SPAG16: variants seen among roughly 807,000 people sequenced by gnomAD.
SPAG16 encodes the protein sperm-associated antigen 16 protein.
SPAG16 carries 86 observed loss-of-function variants against 80.4 expected under a neutral mutation model. The ratio of observed to expected loss-of-function variants is 1.07; its 90% CI spans 0.90 to 1.28. The LOEUF (loss-of-function observed/expected upper bound fraction) is 1.28. SPAG16 is among the 50% of genes most tolerant of loss of function. The pLI, the probability that SPAG16 is intolerant of heterozygous loss-of-function variation, is 0.00. For synonymous variants in SPAG16, 294 were observed against 265.9 expected (o/e 1.11, Z -1.03); for missense variants, 870 against 765.3 (o/e 1.14, Z -1.61).
chr2:213,734,254 G>C (rs545639260), intron 10 of SPAG16, among the ~76,000 whole-genome samples: 1 of 152,252 alleles, frequency 6.6e-6, no homozygotes, highest in South Asian at 2.1e-4. Context: ...AGAGATAAAT[G>C]CTAGATGGAA....
intron 10 of SPAG16, among the ~76,000 whole-genome samples, chr2:213,833,630 C>T (rs1429808345): frequency 1.1e-5 from 1 of 91,886 alleles, no homozygotes; most frequent in Non-Finnish European, 2.0e-5. Flanking sequence ...GTTCAGATGT[C>T]ATTTTATGTG....
chr2:214,108,314 C>A, intron 14 of SPAG16, 53 bp downstream of exon 14: 1 of 1,405,272 alleles, frequency 7.1e-7, no homozygotes, highest in Non-Finnish European at 9.9e-7. Context: ...TATACAAATT[C>A]ATTTTTATAA....
intron 10 of SPAG16, among the ~76,000 whole-genome samples, chr2:213,689,767 G>A (rs983164743): frequency 1.3e-5 from 2 of 152,032 alleles, no homozygotes; most frequent in African/African-American, 4.8e-5. Context: ...AATATTCGAG[G>A]AGAATTGTTT....
intron 15 of SPAG16, among the ~76,000 whole-genome samples, chr2:214,296,037 C>T (rs1017977794): frequency 3.3e-5 from 5 of 152,030 alleles, no homozygotes; most frequent in Non-Finnish European, 7.4e-5. Flanking sequence ...ATTTTTCAAC[C>T]CTCATGCTCC....
chr2:214,283,439 T>C (rs1247809602), intron 15 of SPAG16, among the ~76,000 whole-genome samples: 6 of 152,136 alleles, frequency 3.9e-5, no homozygotes, highest in Admixed American at 3.9e-4. Context: ...ATACTTCAGG[T>C]ATTTCTAAAT....
At chr2:213,345,018 T>C (rs1374493698) in intron 6 of SPAG16, among the ~76,000 whole-genome samples, 3 of 151,316 alleles carry the variant, frequency 2.0e-5, no homozygotes, top group Non-Finnish European at 1.5e-5. Flanking sequence ...GTGTTCCTAT[T>C]TCTCCACATC....
intron 10 of SPAG16, among the ~76,000 whole-genome samples, chr2:213,528,718 G>A (rs2075969663): frequency 6.6e-6 from 1 of 151,990 alleles, no homozygotes; most frequent in Non-Finnish European, 1.5e-5. Context: ...GCTTCCCTGG[G>A]CCACACTGGA....
At position 214,271,081 on chromosome 2, in the gene SPAG16, A is replaced by T. The variant is rs1281775246; in HGVS notation, c.1720+121815A>T. Among the ~76,000 whole-genome samples, 5 of 152,188 alleles carry T rather than the reference A, an allele frequency of 3.3e-5. No individual in the cohort carries two copies. The East Asian group carries it at 9.6e-4, about 29-fold the overall frequency. On this transcript the variant is annotated intron_variant, in intron 15 of 15. Coordinates refer to ENST00000331683, the MANE Select transcript of SPAG16 (RefSeq NM_024532.5). Reference sequence around the variant, plus strand: ...CTTTTGAGATCTTAATTTAAGCAGTAAATTAATTTGAAGGGTAAAGTATAA... The same window carrying T: ...CTTTTGAGATCTTAATTTAAGCAGTTAATTAATTTGAAGGGTAAAGTATAA...
intron 15 of SPAG16, among the ~76,000 whole-genome samples, chr2:214,288,397 AG>A (rs1388321371): frequency 6.6e-6 from 1 of 152,222 alleles, no homozygotes; most frequent in African/African-American, 2.4e-5. Context: ...AAGTGCAGGT[AG>A]GTATCCCTTT....
intron 10 of SPAG16, among the ~76,000 whole-genome samples, chr2:213,696,144 G>C (rs2065144461): frequency 6.6e-6 from 1 of 152,122 alleles, no homozygotes; most frequent in Non-Finnish European, 1.5e-5. Flanking sequence ...AAAGGAACAA[G>C]AATAACTCCT....
intron 10 of SPAG16, among the ~76,000 whole-genome samples, chr2:213,736,631 A>G (rs762249091): frequency 6.6e-6 from 1 of 152,184 alleles, no homozygotes; most frequent in Non-Finnish European, 1.5e-5. Flanking sequence ...AGAGATCTTA[A>G]TACCAAATTA....
chr2:213,757,081 ATACTAACAT>A (rs2068381844), intron 10 of SPAG16, among the ~76,000 whole-genome samples: 1 of 152,350 alleles, frequency 6.6e-6, no homozygotes, highest in South Asian at 2.1e-4. Flanking sequence ...GTGATTTCAT[ATACTAACAT>A]AAATCTGAAA....
intron 15 of SPAG16, among the ~76,000 whole-genome samples, chr2:214,189,044 G>A (rs540032718): frequency 1.3e-4 from 20 of 152,078 alleles, no homozygotes; most frequent in Middle Eastern, 3.4e-3. Flanking sequence ...CTTTTAGTTG[G>A]GTGAATGTTC....
intron 15 of SPAG16, among the ~76,000 whole-genome samples, chr2:214,335,718 A>G (rs1462386005): frequency 6.7e-6 from 1 of 148,348 alleles, no homozygotes; most frequent in African/African-American, 2.5e-5. Flanking sequence ...TTATGTTTAG[A>G]TATCAACCAT....
chr2:213,859,201 AAAAAAAAAAAAAAAAC>A lies in SPAG16; in HGVS notation c.1071-3283_1071-3268del, dbSNP rs1177256437. The stretch of plus-strand genomic sequence containing the variant: ...CTCAAAAAAAAAAAAAAAAAAAAAA[AAAAAAAAAAAAAAAAC>A]TCAATGTCCTCTGACAACTTGATGT... On this transcript the variant is annotated intron_variant, in intron 10 of 15. Coordinates refer to ENST00000331683, the MANE Select transcript of SPAG16 (RefSeq NM_024532.5). Among the ~76,000 whole-genome samples the A allele has an allele frequency of 2.4e-3, 333 of 136,964 alleles. 13 individuals carry two copies. Among genetic ancestry groups the A allele is most frequent in the Middle Eastern group, 7.5e-3 (2 of 266 alleles). The allele number at this position is 136,964 out of a possible 152,430, so 89.9% of individuals were successfully genotyped here.
chr2:214,172,300 G>A (rs1445081182), intron 15 of SPAG16, among the ~76,000 whole-genome samples: 1 of 151,798 alleles, frequency 6.6e-6, no homozygotes, highest in Non-Finnish European at 1.5e-5. Context: ...CTGTGTCCAT[G>A]TGTTCTCATT....
chr2:213,400,552 G>A (rs981265527), intron 9 of SPAG16, among the ~76,000 whole-genome samples: 1 of 152,260 alleles, frequency 6.6e-6, no homozygotes, highest in African/African-American at 2.4e-5. Context: ...CTTGGGAGTT[G>A]CTATGGCAGA....
At chr2:213,485,445 T>C (rs888440497) in intron 9 of SPAG16, among the ~76,000 whole-genome samples, 1 of 152,192 alleles carries the variant, frequency 6.6e-6, no homozygotes, top group African/African-American at 2.4e-5. Context: ...ATCAGTGTAA[T>C]CATATCTGTA....
chr2:214,015,513 G>A (rs1368340288), intron 13 of SPAG16, among the ~76,000 whole-genome samples: 9 of 151,636 alleles, frequency 5.9e-5, no homozygotes, highest in South Asian at 4.2e-4. Context: ...CAGGAGAATC[G>A]CTTGTATCCA....
Sources: gnomAD v4.1 joint callset for allele counts (sites outside exome capture counted in the v4.1 genomes callset) on GRCh38, gnomAD v4.1.1 for gene constraint, MANE v1.5 for transcripts, NCBI Gene and HGNC (gene_info 2026-07-23, HGNC 2026-07-21) for gene names.